PTPRT: variants seen among roughly 807,000 people sequenced by gnomAD.
The protein encoded by PTPRT is protein tyrosine phosphatase receptor type T.
A neutral mutation model predicts 176.8 loss-of-function variants in PTPRT; 56 were observed. The ratio of observed to expected loss-of-function variants is 0.32; its 90% CI spans 0.26 to 0.40. PTPRT has a LOEUF of 0.40. Among genes scored for constraint, PTPRT ranks in the 10% least tolerant of loss-of-function variants. The probability of loss-of-function intolerance (pLI) is 1.00; values close to 1 mark genes in which losing one functional copy is unlikely to be tolerated. For missense variants in PTPRT, 1,540 were observed against 1,908.2 expected, an observed-to-expected ratio of 0.81 and a Z score of 3.60; for synonymous variants, 783 against 739.0, an observed-to-expected ratio of 1.06 and a Z score of -0.96.
chr20:42,742,140 G>T (rs892774718), intron 6 of PTPRT, among the ~76,000 whole-genome samples: 1 of 152,132 alleles, frequency 6.6e-6, no homozygotes, highest in Non-Finnish European at 1.5e-5. Flanking sequence ...AGCACTGTGG[G>T]TAGATACAAT....
At chr20:42,876,770 T>A (rs528883105) in intron 2 of PTPRT, among the ~76,000 whole-genome samples, 1 of 152,156 alleles carries the variant, frequency 6.6e-6, no homozygotes, top group Non-Finnish European at 1.5e-5. Flanking sequence ...CCAGGCCCCA[T>A]GCAGGATACA....
intron 1 of PTPRT, among the ~76,000 whole-genome samples, chr20:42,981,124 C>T (rs1041507781): frequency 6.6e-6 from 1 of 152,170 alleles, no homozygotes; most frequent in Non-Finnish European, 1.5e-5. Context: ...AGTCCTGTCT[C>T]GACCTGATTA....
downstream of PTPRT, among the ~76,000 whole-genome samples, chr20:42,070,485 T>C (rs531591879): frequency 6.6e-6 from 1 of 151,976 alleles, no homozygotes; most frequent in Non-Finnish European, 1.5e-5. Context: ...TCTGCTAACG[T>C]TGATCCTTAG....
At position 42,206,146 on chromosome 20, in the gene PTPRT, T is replaced by C. The variant is rs566741602; in HGVS notation, c.2343-6758A>G. 5.3e-4 allele frequency among the ~76,000 whole-genome samples: 80 copies of C among 152,324 alleles called. No homozygotes were observed. In the South Asian group the frequency reaches 0.011, roughly 22 times the overall value. On this transcript the variant is annotated intron_variant, in intron 15 of 30. Coordinates refer to ENST00000373187, the MANE Select transcript of PTPRT (RefSeq NM_007050.6). ...TTAGAAGGGCAAATTCAGTCTGTGG[T>C]ACACATGATTCCAGTGTCTTACAAA...
rs1424530312 is a variant in PTPRT, at chr20:43,189,184, C to G, written c.88+462G>C. ...TCCGAGGAAAAAAGAAAAGCCGCCGCCCCGGCAGCCTCGGCCTGCTGGGGA... is the reference window on the plus strand; with the variant it reads ...TCCGAGGAAAAAAGAAAAGCCGCCGGCCCGGCAGCCTCGGCCTGCTGGGGA... On this transcript the variant is annotated intron_variant, in intron 1 of 30. Coordinates refer to ENST00000373187, the MANE Select transcript of PTPRT (RefSeq NM_007050.6). The surrounding 1 kb of genome is among the most constrained non-coding windows in gnomAD (Gnocchi z 5.0). 6.6e-6 allele frequency among the ~76,000 whole-genome samples: 1 copy of G among 152,180 alleles called. No homozygotes were observed. The highest frequency in any genetic ancestry group is 1.5e-5 in the Non-Finnish European group (1 of 68,038).
intron 2 of PTPRT, among the ~76,000 whole-genome samples, chr20:42,860,673 T>C (rs1483062478): frequency 6.6e-6 from 1 of 152,190 alleles, no homozygotes; most frequent in East Asian, 1.9e-4. Context: ...TCCTAACTGG[T>C]GATTGGTATT....
intron 9 of PTPRT, among the ~76,000 whole-genome samples, chr20:42,360,713 T>C (rs955391715): frequency 3.3e-5 from 5 of 152,208 alleles, no homozygotes; most frequent in African/African-American, 9.6e-5. Context: ...AGTTGCTAAG[T>C]TGCATGACCA....
At chr20:42,711,796 C>A (rs2076148259) in intron 6 of PTPRT, among the ~76,000 whole-genome samples, 1 of 151,066 alleles carries the variant, frequency 6.6e-6, no homozygotes, top group South Asian at 2.1e-4. Context: ...AGCATTACCT[C>A]CTGCATCCTA....
At chr20:42,762,233 T>C (rs1600709955) in intron 5 of PTPRT, among the ~76,000 whole-genome samples, 2 of 152,268 alleles carry the variant, frequency 1.3e-5, no homozygotes, top group Middle Eastern at 6.8e-3. Flanking sequence ...GGTTTCCTTA[T>C]CCCCACTCTT....
intron 7 of PTPRT, among the ~76,000 whole-genome samples, chr20:42,606,464 T>C (rs2073879072): frequency 6.6e-6 from 1 of 152,196 alleles, no homozygotes; most frequent in African/African-American, 2.4e-5. Context: ...ACCTGCTATG[T>C]GCCAGGCCCT....
intron 13 of PTPRT, among the ~76,000 whole-genome samples, chr20:42,259,194 A>C (rs761360473): frequency 7.2e-5 from 11 of 152,202 alleles, no homozygotes; most frequent in Non-Finnish European, 1.5e-4. Flanking sequence ...TTACACTGTA[A>C]ATGCTCTGTG....
At chr20:42,117,477 T>A (rs1457502142) in intron 21 of PTPRT, among the ~76,000 whole-genome samples, 1 of 152,088 alleles carries the variant, frequency 6.6e-6, no homozygotes, top group Admixed American at 6.6e-5. Context: ...CAGGAGTAGT[T>A]GAGGACCACT....
At chr20:42,631,806 C>A (rs936135916) in intron 7 of PTPRT, among the ~76,000 whole-genome samples, 1 of 152,078 alleles carries the variant, frequency 6.6e-6, no homozygotes, top group Admixed American at 6.6e-5. Flanking sequence ...CAAGGTTAAC[C>A]CAGTGGACTT....
intron 15 of PTPRT, among the ~76,000 whole-genome samples, chr20:42,212,318 C>CG (rs2055658942): frequency 1.9e-5 from 2 of 106,908 alleles, no homozygotes; most frequent in African/African-American, 7.5e-5. Flanking sequence ...AAAAAAAAGA[C>CG]AAAAAAAAAA....
At chr20:42,044,566 A>G in the PTPRT span, among the ~76,000 whole-genome samples, 2 of 152,230 alleles carry the variant, frequency 1.3e-5, no homozygotes, top group African/African-American at 4.8e-5. Context: ...GTGGTCACAA[A>G]GAGGGAGGAG....
chr20:42,439,464 C>A (rs144267894), intron 9 of PTPRT, among the ~76,000 whole-genome samples: 8 of 152,164 alleles, frequency 5.3e-5, no homozygotes, highest in East Asian at 3.9e-4. Context: ...TGTTTAGCAA[C>A]CTTGAGGGAA....
chr20:42,068,579 T>C (rs1475107538), downstream of PTPRT, among the ~76,000 whole-genome samples: 3 of 152,204 alleles, frequency 2.0e-5, no homozygotes, highest in East Asian at 3.8e-4. Context: ...ATTTTCTGAG[T>C]GAGTACAGAC....
At chr20:42,348,218 A>G (rs75904812) in intron 11 of PTPRT, among the ~76,000 whole-genome samples, 1 of 151,974 alleles carries the variant, frequency 6.6e-6, no homozygotes, top group East Asian at 1.9e-4. Context: ...TTGGTTAGTC[A>G]CTTCCCCTTC....
intron 11 of PTPRT, among the ~76,000 whole-genome samples, chr20:42,341,252 C>T (rs1568790608): frequency 1.3e-5 from 2 of 152,176 alleles, no homozygotes; most frequent in Non-Finnish European, 2.9e-5. Flanking sequence ...ATTTTCTGAA[C>T]AGCAACCTTC....
Sources: allele counts gnomAD v4.1 joint callset (sites outside exome capture counted in the v4.1 genomes callset), GRCh38; gene constraint gnomAD v4.1.1; non-coding constraint Gnocchi (gnomAD v3.1); transcripts MANE v1.5; gene names NCBI Gene and HGNC (gene_info 2026-07-23, HGNC 2026-07-21).